Variants in CACNA1D observed in about 807,000 individuals in gnomAD.
CACNA1D encodes the protein voltage-dependent L-type calcium channel subunit alpha-1D.
A neutral mutation model predicts 257.1 loss-of-function variants in CACNA1D; 55 were observed. The observed-to-expected ratio is 0.21, with a 90% CI of 0.17 to 0.27. The LOEUF (loss-of-function observed/expected upper bound fraction) is 0.27, where lower values mean the gene tolerates loss of function less well. CACNA1D is among the 10% of genes least tolerant of loss of function. The pLI is 1.00. For missense variants in CACNA1D, 1,876 were observed against 2,784.0 expected, an observed-to-expected ratio of 0.67 and a Z score of 7.34; for synonymous variants, 980 against 1,014.9, an observed-to-expected ratio of 0.97 and a Z score of 0.65.
intron 37 of CACNA1D, among the ~76,000 whole-genome samples, chr3:53,777,408 T>G (rs1559669604): frequency 6.6e-6 from 1 of 152,172 alleles, no homozygotes; most frequent in Non-Finnish European, 1.5e-5. Context: ...AAACGTGAAT[T>G]TCAGGTTCCC....
chr3:53,771,666 T>C (rs373919135), intron 32 of CACNA1D, among the ~76,000 whole-genome samples: 1 of 152,252 alleles, frequency 6.6e-6, no homozygotes, highest in Non-Finnish European at 1.5e-5. Flanking sequence ...CAAACTGCTA[T>C]AAAAATAGAT....
intron 3 of CACNA1D, among the ~76,000 whole-genome samples, chr3:53,566,618 T>C (rs2092844867): frequency 6.6e-6 from 1 of 152,168 alleles, no homozygotes; most frequent in Non-Finnish European, 1.5e-5. Flanking sequence ...TGCTGTTTCT[T>C]CCACACATGT....
At chr3:53,588,474 C>T (rs959450432) in intron 3 of CACNA1D, among the ~76,000 whole-genome samples, 5 of 152,096 alleles carry the variant, frequency 3.3e-5, no homozygotes, top group South Asian at 2.1e-4. Context: ...AGTTTGGAGA[C>T]GGGAGATGCT....
At position 53,652,268 on chromosome 3, in the gene CACNA1D, A is replaced by T. The variant is rs1203152613; in HGVS notation, c.623+1350A>T. Reference sequence around the variant, plus strand: ...CCATTTCTTGCGTCACCGTGCTATGATCACCTCATATTTCTGCCTGGAGAC... The same window carrying T: ...CCATTTCTTGCGTCACCGTGCTATGTTCACCTCATATTTCTGCCTGGAGAC... On this transcript the variant is annotated intron_variant, in intron 4 of 47. Coordinates refer to ENST00000350061, the MANE Select transcript of CACNA1D (RefSeq NM_001128840.3). Among the ~76,000 whole-genome samples, 3 of 152,104 alleles carry T rather than the reference A, an allele frequency of 2.0e-5. No homozygotes were observed. The East Asian group carries it at 5.8e-4, about 29-fold the overall frequency.
chr3:53,592,454 G>C (rs1211007377), intron 3 of CACNA1D, among the ~76,000 whole-genome samples: 1 of 152,114 alleles, frequency 6.6e-6, no homozygotes, highest in Non-Finnish European at 1.5e-5. Flanking sequence ...AAAGGGCCTT[G>C]GATGTTACTC....
At position 53,776,781 on chromosome 3, in the gene CACNA1D, C is replaced by T. The variant is rs374468143; in HGVS notation, c.4490+51C>T. ...CGTGTGTGGGTGGATTTTGGAATGT[C>T]AGCTTTTTTTGTGGAGTGGACTGAA... On this transcript the variant is annotated intron_variant, in intron 36 of 47. Coordinates refer to ENST00000350061, the MANE Select transcript of CACNA1D (RefSeq NM_001128840.3). The T allele has an allele frequency of 2.9e-5, 47 of 1,614,090 alleles. No homozygotes were observed. The African/African-American group carries it at 5.1e-4, about 17-fold the overall frequency.
rs753277894 is a variant in CACNA1D, at chr3:53,723,573, G to A, written c.1806G>A (p.Thr602=). 35 of 1,614,072 alleles carry A rather than the reference G, an allele frequency of 2.2e-5. No homozygotes were observed. The highest frequency in any genetic ancestry group is 1.6e-4 in the Middle Eastern group (1 of 6,062). ...CFVVCGGITE[T]ILVELEIMSP... is the part of the protein sequence containing the mutation. ...TGGTGTGTGGTGGAATCACTGAGAC[G>A]ATCTTGGTGGAACTGGAAATCATGT... Residue 602 remains threonine (T), a synonymous_variant, in exon 13 of 48, where the codon ACG becomes ACA. Transcript: ENST00000350061. The surrounding 1 kb of genome is among the most constrained non-coding windows in gnomAD (Gnocchi z 5.6).
At chr3:53,740,395 T>G in intron 21 of CACNA1D, 56 bp downstream of exon 21, 2 of 1,175,998 alleles carry the variant, frequency 1.7e-6, no homozygotes, top group Non-Finnish European at 2.6e-6. Context: ...CAATAATAGT[T>G]GCACTTCTTT....
Position 53,802,185 on chromosome 3 carries a change from T to C in CACNA1D, c.5435+12T>C. ...GAAACTTACATTAGGTATGTGCTCATTACCTGTTTTTGTGTTAAATACTGT... is the reference window on the plus strand; with the variant it reads ...GAAACTTACATTAGGTATGTGCTCACTACCTGTTTTTGTGTTAAATACTGT... On this transcript the variant is annotated intron_variant, in intron 43 of 47. Coordinates refer to ENST00000350061, the MANE Select transcript of CACNA1D (RefSeq NM_001128840.3). 1 of 1,599,244 alleles carries C rather than the reference T, an allele frequency of 6.3e-7. No homozygotes were observed. Among genetic ancestry groups the C allele is most frequent in the Non-Finnish European group, 8.6e-7 (1 of 1,166,406 alleles).
At chr3:53,690,033 G>C (rs1007559363) in intron 8 of CACNA1D, among the ~76,000 whole-genome samples, 1 of 152,144 alleles carries the variant, frequency 6.6e-6, no homozygotes, top group African/African-American at 2.4e-5. Flanking sequence ...CTTTGATGAG[G>C]TAAGTGTTCT....
intron 19 of CACNA1D, among the ~76,000 whole-genome samples, chr3:53,733,964 G>A (rs1280347910): frequency 5.7e-5 from 8 of 140,322 alleles, no homozygotes; most frequent in African/African-American, 2.2e-4. Flanking sequence ...ATGTATGTAT[G>A]TATGTATATG....
intron 3 of CACNA1D, among the ~76,000 whole-genome samples, chr3:53,540,118 T>G (rs2107515741): frequency 6.6e-6 from 1 of 152,062 alleles, no homozygotes; most frequent in Non-Finnish European, 1.5e-5. Context: ...TTTATTTGTT[T>G]GTTTGTTTAT....
chr3:53,618,736 A>G (rs1186796490), intron 3 of CACNA1D, among the ~76,000 whole-genome samples: 2 of 152,120 alleles, frequency 1.3e-5, no homozygotes, highest in Non-Finnish European at 2.9e-5. Flanking sequence ...TTCCTCCAAG[A>G]GTGCACTAGA....
intron 21 of CACNA1D, among the ~76,000 whole-genome samples, chr3:53,742,696 G>T (rs992776794): frequency 2.0e-5 from 3 of 152,212 alleles, no homozygotes; most frequent in Non-Finnish European, 4.4e-5. Context: ...ACCTTTTGAC[G>T]AATGTAGTCC....
Position 53,616,466 on chromosome 3 carries a change from A to T in CACNA1D, c.484-34313A>T, listed in dbSNP as rs568804615. On this transcript the variant is annotated intron_variant, in intron 3 of 47. Transcript: ENST00000350061. The stretch of plus-strand genomic sequence containing the variant: ...CTCCCTCACAGAGGCTCACACGCAC[A>T]TTCTGTCTCTCTGCCATCCAAACAG... Among the ~76,000 whole-genome samples, 5 of 152,298 alleles carry T rather than the reference A, an allele frequency of 3.3e-5. No homozygotes were observed. In the East Asian group the frequency reaches 9.7e-4, roughly 29 times the overall value.
chr3:53,494,617 G>A lies in CACNA1D; in HGVS notation c.-550G>A, dbSNP rs1303597424. 3 of 145,868 alleles carry A rather than the reference G, an allele frequency of 2.1e-5. No homozygotes were observed. Among genetic ancestry groups the A allele is most frequent in the African/African-American group, 7.4e-5 (3 of 40,626 alleles). 9.0% of individuals were successfully genotyped at this position (145,868 alleles called of 1,614,324 possible). A position where few individuals can be genotyped will look rare whatever the true frequency, so the allele number is the denominator to read the frequency against. ...CGCGCAGCGTCGCCAGGGCGAAGCC[G>A]GCGTGCGGCGCGGCGCGGCGGGCGC... is the stretch of plus-strand genomic sequence containing the variant. On this transcript the variant is annotated 5_prime_UTR_variant, in exon 1 of 48. Coordinates refer to ENST00000350061, the MANE Select transcript of CACNA1D (RefSeq NM_001128840.3).
chr3:53,561,878 A>G (rs1461751496), intron 3 of CACNA1D, among the ~76,000 whole-genome samples: 4 of 152,198 alleles, frequency 2.6e-5, no homozygotes, highest in African/African-American at 4.8e-5. Context: ...TGTTCATTCT[A>G]TAATTTTTTT....
At chr3:53,806,716 T>C (rs986742796) in intron 45 of CACNA1D, among the ~76,000 whole-genome samples, 9 of 152,180 alleles carry the variant, frequency 5.9e-5, no homozygotes, top group African/African-American at 2.2e-4. Flanking sequence ...GCCCTCTGCC[T>C]CACTCCAACT....
chr3:53,713,750 C>T (rs1347970403), intron 9 of CACNA1D, among the ~76,000 whole-genome samples: 1 of 152,170 alleles, frequency 6.6e-6, no homozygotes, highest in Non-Finnish European at 1.5e-5. Flanking sequence ...AAGAGAAGCA[C>T]CATGACCCAC....
Sources: allele counts gnomAD v4.1 joint callset (sites outside exome capture counted in the v4.1 genomes callset), GRCh38; gene constraint gnomAD v4.1.1; non-coding constraint Gnocchi (gnomAD v3.1); transcripts MANE v1.5; gene names NCBI Gene and HGNC (gene_info 2026-07-23, HGNC 2026-07-21).